The following OPLAH variants were observed in gnomAD, a reference collection of about 807,000 sequenced individuals.
The protein encoded by OPLAH is 5-oxoprolinase.
A neutral mutation model predicts 122.8 loss-of-function variants in OPLAH; 103 were observed. That is an observed-to-expected ratio of 0.84 (90% CI 0.71 to 0.99). The LOEUF (loss-of-function observed/expected upper bound fraction) is 0.99, where lower values mean the gene tolerates loss of function less well. Ranked by LOEUF, OPLAH falls within the 50% of genes least tolerant of loss-of-function variation. The probability of loss-of-function intolerance (pLI) is 0.00; values close to 1 mark genes in which losing one functional copy is unlikely to be tolerated. For synonymous variants in OPLAH, 875 were observed against 796.0 expected, an observed-to-expected ratio of 1.10 and a Z score of -1.67; for missense variants, 1,902 against 1,836.5, an observed-to-expected ratio of 1.04 and a Z score of -0.65.
In OPLAH at chr8:144,055,879, G is replaced by A; in HGVS notation, c.2157C>T (p.Ile719=). The change falls in exon 16 of 27, where the codon ATC becomes ATT. Residue 719 remains isoleucine (I), a synonymous_variant. Coordinates refer to ENST00000618853, the MANE Select transcript of OPLAH (RefSeq NM_017570.5). This position sits in a 1 kb window ranked among gnomAD's most constrained non-coding sequence, Gnocchi z 6.5. ...AEVTKTGDIC[I]SVGAEVPGTV... ...TGCCGGGGACTTCGGCCCCCACGGAGATGCAGATGTCCCCTGTCTTGGTCA... is the reference window on the plus strand; with the variant it reads ...TGCCGGGGACTTCGGCCCCCACGGAAATGCAGATGTCCCCTGTCTTGGTCA... 6.3e-7 allele frequency: 1 copy of A among 1,585,020 alleles called. No individual in the cohort carries two copies. The highest frequency in any genetic ancestry group is 8.6e-7 in the Non-Finnish European group (1 of 1,166,084).
At position 144,054,592 on chromosome 8, in the gene OPLAH, T is replaced by G. The variant is rs371196284; in HGVS notation, c.2655A>C (p.Lys885Asn). Residue 885 changes from lysine (K) to asparagine (N), a missense_variant, in exon 19 of 27, where the codon AAA becomes AAC. Transcript: ENST00000618853. ...CCTGGAAGACGCCCCCCTGGACAAG[T>G]TTGAAGGACAGAAAGACGGCACCCT... ...QQEGAVFLSF[K>N]LVQGGVFQEE... 6.2e-7 allele frequency: 1 copy of G among 1,601,060 alleles called. No homozygotes were observed. The highest frequency in any genetic ancestry group is 8.5e-7 in the Non-Finnish European group (1 of 1,170,652).
Position 144,058,260 on chromosome 8 carries a change from C to G in OPLAH, c.928G>C (p.Val310Leu), listed in dbSNP as rs782711808. 6.8e-6 allele frequency: 11 copies of G among 1,610,586 alleles called. 1 individual carries two copies. The East Asian group carries it at 1.8e-4, about 26-fold the overall frequency. ...TTYQQEGGQP[V>L]IGFDMGGTST... ...ATACCTCCCATGTCAAAGCCGATGA[C>G]AGGCTGGCCACCCTCCTGCTGGTAG... Residue 310 changes from valine to leucine, a missense_variant, in exon 7 of 27, where the codon GTC becomes CTC. Transcript: ENST00000618853.
Position 144,057,639 on chromosome 8 carries a change from CA to C in OPLAH, c.1230del (p.Phe410LeufsTer29). 1.2e-6 allele frequency: 2 copies of C among 1,603,560 alleles called. No individual in the cohort carries two copies. Among genetic ancestry groups the C allele is most frequent in the Non-Finnish European group, 1.7e-6 (2 of 1,174,912 alleles). ...RLLPASFPCIFGPGENQPLSP... is the reference protein window; with the variant it reads ...RLLPASFPCIXGPGENQPLSP... The stretch of plus-strand genomic sequence containing the variant: ...GAAAGTGGTTGGTTCTCTCCCGGCC[CA>C]AAAATGCAGGGGAAGGAGGCAGGCA... On this transcript the variant is annotated frameshift_variant, in exon 10 of 27. Transcript: ENST00000618853. LOFTEE classifies it high-confidence loss of function.
intron 17 of OPLAH, 45 bp downstream of exon 17, chr8:144,054,984 A>AGGGGGGGGGGGGGGGGGGGGGGGG: frequency 3.3e-6 from 1 of 302,290 alleles, no homozygotes; most frequent in Non-Finnish European, 4.9e-6. Context: ...GGGGGGGTGG[A>AGGGGGGGGGGGGGGGGGGGGGGGG]GGGTGAGGGA....
chr8:144,055,024 G>A lies in OPLAH; in HGVS notation c.2409+5C>T, dbSNP rs1835476999. On this transcript the variant is annotated splice_donor_5th_base_variant and intron_variant, in intron 17 of 26. Transcript: ENST00000618853. The surrounding 1 kb of genome is among the most constrained non-coding windows in gnomAD (Gnocchi z 6.5). ...GATGGAAGGGTGAGGCGGGGGAAGG[G>A]CCACCTGGAACTGCACCGTCTCCTG... is the stretch of plus-strand genomic sequence containing the variant. 1.4e-6 allele frequency: 2 copies of A among 1,480,894 alleles called. No individual in the cohort carries two copies. Among genetic ancestry groups the A allele is most frequent in the East Asian group, 2.5e-5 (1 of 40,302 alleles). The allele number at this position is 1,480,894 out of a possible 1,614,324, so 91.7% of individuals were successfully genotyped here. A position where few individuals can be genotyped will look rare whatever the true frequency, so the allele number is the denominator to read the frequency against.
rs782075789 is a variant in OPLAH at position 144,056,527 on chromosome 8, C to T, written c.1845-4G>A. 1 of 1,612,084 alleles carries T rather than the reference C, an allele frequency of 6.2e-7. No individual in the cohort carries two copies. Among genetic ancestry groups the T allele is most frequent in the South Asian group, 1.1e-5 (1 of 91,028 alleles). On this transcript the variant is annotated splice_region_variant and splice_polypyrimidine_tract_variant and intron_variant, in intron 13 of 26. Transcript: ENST00000618853. Reference sequence around the variant, plus strand: ...AAAGCCAAACTCCCTCATGTACCTGCACTCCCCGCGGGGACCCAAGGAGTG... The same window carrying T: ...AAAGCCAAACTCCCTCATGTACCTGTACTCCCCGCGGGGACCCAAGGAGTG...
At chr8:144,057,753 C>A (rs782457219) in intron 9 of OPLAH, 40 bp from the exon 10 acceptor site, 2 of 1,609,486 alleles carry the variant, frequency 1.2e-6, no homozygotes, top group Non-Finnish European at 1.7e-6. Flanking sequence ...GGGCTGGAGG[C>A]AGGGGAGCAG....
At position 144,052,482 on chromosome 8, in the gene OPLAH, G is replaced by A. The variant is rs1554757920; in HGVS notation, c.3270C>T (p.Ile1090=). Residue 1090 remains isoleucine, a synonymous_variant, in exon 23 of 27, where the codon ATC becomes ATT. Coordinates refer to ENST00000618853, the MANE Select transcript of OPLAH (RefSeq NM_017570.5). ...VLTSQRVVDV[I]LGAFGACAAS... The stretch of plus-strand genomic sequence containing the variant: ...CGGCGCAGGCCCCAAAGGCCCCCAG[G>A]ATGACATCCACCACGCGCTGCGACG... 1.3e-6 allele frequency: 2 copies of A among 1,558,308 alleles called. No individual in the cohort carries two copies. The highest frequency in any genetic ancestry group is 1.2e-5 in the South Asian group (1 of 85,718).
In OPLAH at chr8:144,059,756, A is replaced by G. The variant is rs1835622001; in HGVS notation, c.206T>C (p.Leu69Pro). Residue 69 changes from leucine (L) to proline (P), a missense_variant, in exon 3 of 27, where the codon CTG becomes CCG. By Grantham distance (98) the Leu-to-Pro change is moderately conservative. Around this residue, in one of 3 missense-constraint regions of OPLAH, gnomAD observed 168 missense variants for 170.6 expected, o/e 0.98. Coordinates refer to ENST00000618853, the MANE Select transcript of OPLAH (RefSeq NM_017570.5). The part of the protein sequence containing the change: ...AGMLLPRDQP[L>P]DSSHIASIRM... ...GATGCTGGCGATATGACTGGAGTCC[A>G]GCGGCTGGTCCCGGGGCAGGAGCAT... 6.2e-7 allele frequency: 1 copy of G among 1,609,602 alleles called. No homozygotes were observed.
Position 144,052,180 on chromosome 8 carries a change from G to T in OPLAH, c.3450C>A (p.Ile1150=). The change falls in exon 24 of 27, where the codon ATC becomes ATA. Residue 1150 remains isoleucine, a synonymous_variant. Transcript: ENST00000618853. The part of the protein sequence containing the change: ...MTNTRITDPE[I]LESRYPVILR... ...CGCACGCCGCTCACCGGCTCTCCAGGATCTCAGGGTCGGTGATGCGTGTGT... is the reference window on the plus strand; with the variant it reads ...CGCACGCCGCTCACCGGCTCTCCAGTATCTCAGGGTCGGTGATGCGTGTGT... 1 of 1,574,270 alleles carries T rather than the reference G, an allele frequency of 6.4e-7. No homozygotes were observed.
In OPLAH at chr8:144,058,158, G is replaced by GCC; in HGVS notation, c.950-11_950-10insGG. 1 of 1,612,066 alleles carries GCC rather than the reference G, an allele frequency of 6.2e-7. No homozygotes were observed. The highest frequency in any genetic ancestry group is 8.5e-7 in the Non-Finnish European group (1 of 1,179,602). On this transcript the variant is annotated splice_polypyrimidine_tract_variant and intron_variant, in intron 7 of 26. Transcript: ENST00000618853. ...ACATCCGTGGACGTGCCTGGCAGGGGTGGGGTGCTGGTGGGTCACTTGAAG... is the reference window on the plus strand; with the variant it reads ...ACATCCGTGGACGTGCCTGGCAGGGGCCTGGGGTGCTGGTGGGTCACTTGAAG...
downstream of OPLAH, chr8:144,050,615 G>T: frequency 1.0e-6 from 1 of 985,712 alleles, no homozygotes; most frequent in Non-Finnish European, 1.2e-6. Flanking sequence ...GCCAAAAGCA[G>T]CCCTGGGCCC....
chr8:144,054,696 C>A lies in OPLAH; in HGVS notation c.2551G>T (p.Ala851Ser), dbSNP rs782261105. The A allele has an allele frequency of 3.1e-6, 5 of 1,612,350 alleles. No individual in the cohort carries two copies. Among genetic ancestry groups the A allele is most frequent in the South Asian group, 2.2e-5 (2 of 91,078 alleles). ...PGQTRPVFYV[A>S]SRGHHADIGG... ...ATGTCTGCGTGGTGCCCTCGGCTGGCCACATAGAACACAGGCCGCGTCTGA... is the reference window on the plus strand; with the variant it reads ...ATGTCTGCGTGGTGCCCTCGGCTGGACACATAGAACACAGGCCGCGTCTGA... Residue 851 changes from alanine to serine, a missense_variant, in exon 19 of 27, where the codon GCC becomes TCC. Transcript: ENST00000618853.
In OPLAH at chr8:144,058,964, G is replaced by A. The variant is rs538881904; in HGVS notation, c.463+16C>T. The A allele has an allele frequency of 9.0e-6, 14 of 1,559,266 alleles. No individual in the cohort carries two copies. The East Asian group carries it at 2.7e-4, about 30-fold the overall frequency. On this transcript the variant is annotated intron_variant, in intron 4 of 26. Transcript: ENST00000618853. Reference sequence around the variant, plus strand: ...CCCTCCGGCCCCAAATCCCACAGCAGCGGCGGCACACACACCTTTCACAGG... The same window carrying A: ...CCCTCCGGCCCCAAATCCCACAGCAACGGCGGCACACACACCTTTCACAGG...
upstream of OPLAH, among the ~76,000 whole-genome samples, chr8:144,060,925 G>T (rs1587570764): frequency 6.6e-6 from 1 of 152,248 alleles, no homozygotes; most frequent in South Asian, 2.1e-4. Context: ...TAGCGTGGGC[G>T]CCCCAGGATC....
rs1835601989 is a variant in OPLAH at position 144,058,985 on chromosome 8, A to G, written c.458T>C (p.Val153Ala). Residue 153 changes from valine to alanine, a missense_variant, in exon 4 of 27, where the codon GTG becomes GCG. By Grantham distance (64) the Val-to-Ala change is moderately conservative. Transcript: ENST00000618853. ...AGCAGCGGCGGCACACACACCTTTC[A>G]CAGGCGTCCCGGTGCCCGCCTCTCC... ...HRGEAGTGTP[V>A]KGRTGDLLEV... The G allele has an allele frequency of 6.4e-7, 1 of 1,563,502 alleles. No individual in the cohort carries two copies. The highest frequency in any genetic ancestry group is 1.9e-5 in the Admixed American group (1 of 52,698).
upstream of OPLAH, among the ~76,000 whole-genome samples, chr8:144,062,842 G>A (rs1036200832): frequency 4.0e-5 from 6 of 151,496 alleles, no homozygotes; most frequent in Non-Finnish European, 7.4e-5. Flanking sequence ...CTGTCCCCAC[G>A]CTCCCTAGCG....
downstream of OPLAH, chr8:144,051,165 C>T (rs1835363004): frequency 2.1e-6 from 3 of 1,434,510 alleles, no homozygotes; most frequent in Admixed American, 2.9e-5. Flanking sequence ...CACGGACCAC[C>T]GGGCAGTGCG....
intron 19 of OPLAH, among the ~76,000 whole-genome samples, chr8:144,053,814 C>T (rs1405794566): frequency 6.6e-6 from 1 of 150,794 alleles, no homozygotes; most frequent in Middle Eastern, 3.2e-3. Context: ...CCCTGTCTCT[C>T]CTACCCCCAC....
Sources: allele counts gnomAD v4.1 joint callset (sites outside exome capture counted in the v4.1 genomes callset), GRCh38; gene constraint gnomAD v4.1.1; regional missense constraint gnomAD v4.1.1; non-coding constraint Gnocchi (gnomAD v3.1); transcripts MANE v1.5; gene names NCBI Gene and HGNC (gene_info 2026-07-23, HGNC 2026-07-21).